The following LINGO1 variants were observed in gnomAD, a reference collection of about 807,000 sequenced individuals.
LINGO1 encodes leucine rich repeat and Ig domain containing 1.
Under a neutral mutation model 37.3 loss-of-function variants are expected in LINGO1, and 11 were observed. The ratio of observed to expected loss-of-function variants is 0.29; its 90% CI spans 0.19 to 0.49. The LOEUF is 0.49. Among genes scored for constraint, LINGO1 ranks in the 20% least tolerant of loss-of-function variants. The pLI is 0.99. For missense variants in LINGO1, 585 were observed against 878.2 expected (o/e 0.67, Z 4.22); for synonymous variants, 387 against 403.0 (o/e 0.96, Z 0.48).
At chr15:77,813,999 G>GC (rs137888528) in intron 1 of LINGO1, among the ~76,000 whole-genome samples, 14,043 of 151,778 alleles carry the variant, frequency 0.093, 1,041 homozygotes, top group African/African-American at 0.21. Flanking sequence ...CCCCTAGGAA[G>GC]CCCCCCCAAT....
chr15:77,796,633 C>T (rs931460397), intron 1 of LINGO1, among the ~76,000 whole-genome samples: 2 of 152,046 alleles, frequency 1.3e-5, no homozygotes, highest in East Asian at 1.9e-4. Flanking sequence ...TGGGCAGCAC[C>T]GGGGTGCCTC....
chr15:77,721,551 A>G (rs1031706605), intron 2 of LINGO1, among the ~76,000 whole-genome samples: 12 of 152,140 alleles, frequency 7.9e-5, no homozygotes. Context: ...TGTCACCTCC[A>G]TTCAACTACA....
intron 1 of LINGO1, among the ~76,000 whole-genome samples, chr15:77,806,165 G>A (rs569334523): frequency 2.4e-3 from 361 of 152,304 alleles, no homozygotes; most frequent in African/African-American, 8.0e-3. Flanking sequence ...ACCACGGAGG[G>A]CTTCCCGGCA....
At chr15:77,619,164 G>GGT (rs34895037) in intron 1 of LINGO1, among the ~76,000 whole-genome samples, 1 of 152,162 alleles carries the variant, frequency 6.6e-6, no homozygotes, top group Non-Finnish European at 1.5e-5. Flanking sequence ...TTCAGTCATG[G>GGT]GTGTGTGTGT....
rs1177201955 is a variant in LINGO1, at chr15:77,762,391, T to C, written c.-257+24478A>G. Among the ~76,000 whole-genome samples, 4 of 152,156 alleles carry C rather than the reference T, an allele frequency of 2.6e-5. No individual in the cohort carries two copies. In the East Asian group the frequency reaches 7.7e-4, roughly 29 times the overall value. ...AGGAGCAGGCCGTGGAGAGGCCTCC[T>C]CCAGGAAGCCTATCCTGACCACCTT... On this transcript the variant is annotated intron_variant, in intron 1 of 3. Coordinates refer to the LINGO1 transcript ENST00000561686.
At chr15:77,793,451 C>T (rs1232288177) in intron 2 of LINGO1, among the ~76,000 whole-genome samples, 1 of 152,104 alleles carries the variant, frequency 6.6e-6, no homozygotes, top group Admixed American at 6.5e-5. Flanking sequence ...CGGTGCAAGC[C>T]TCCGGTGCTC....
chr15:77,749,842 A>G (rs2076353151), intron 1 of LINGO1, among the ~76,000 whole-genome samples: 1 of 152,188 alleles, frequency 6.6e-6, no homozygotes, highest in Non-Finnish European at 1.5e-5. Context: ...CCCAAGGGCC[A>G]GCTTGAGGGC....
intron 3 of LINGO1, among the ~76,000 whole-genome samples, chr15:77,641,424 G>A (rs1343675962): frequency 5.3e-5 from 8 of 152,202 alleles, no homozygotes; most frequent in African/African-American, 1.9e-4. Context: ...ATCAGCAGAG[G>A]CACCCAGCTG....
chr15:77,777,502 C>G (rs11072672), intron 1 of LINGO1, among the ~76,000 whole-genome samples: 12,255 of 148,756 alleles, frequency 0.082, 524 homozygotes, highest in Middle Eastern at 0.13. Context: ...CACACACACA[C>G]AGCTCAGAAC....
At chr15:77,801,696 C>T (rs1314064417) in intron 1 of LINGO1, among the ~76,000 whole-genome samples, 1 of 152,138 alleles carries the variant, frequency 6.6e-6, no homozygotes, top group Non-Finnish European at 1.5e-5. Context: ...CATTCAGCCC[C>T]ATCCAGTCCC....
In LINGO1 at chr15:77,797,568, T is replaced by C. The variant is rs1040081568; in HGVS notation, c.-457-1515A>G. On this transcript the variant is annotated intron_variant, in intron 1 of 5. Coordinates refer to the LINGO1 transcript ENST00000562933. ...TGCCCAGGGGTGGCTTCAACCGTGA[T>C]GGTGAAAGGGAAGCTCAGGAAGCTG... 2.0e-5 allele frequency among the ~76,000 whole-genome samples: 3 copies of C among 152,194 alleles called. No homozygotes were observed. The East Asian group carries it at 5.8e-4, about 29-fold the overall frequency.
upstream of LINGO1, among the ~76,000 whole-genome samples, chr15:77,638,178 C>T (rs531270900): frequency 9.3e-4 from 142 of 152,310 alleles, 1 homozygote; most frequent in African/African-American, 3.1e-3. Context: ...AGTGCTGCCA[C>T]GGCCCTTCTG....
intron 3 of LINGO1, chr15:77,648,534 G>A (rs1221415946): frequency 1.3e-5 from 2 of 152,454 alleles, no homozygotes; most frequent in East Asian, 3.8e-4. Context: ...GTTGACTGCT[G>A]CTGCCAAGAG....
intron 1 of LINGO1, among the ~76,000 whole-genome samples, chr15:77,800,515 C>T (rs1208756110): frequency 1.3e-5 from 2 of 152,126 alleles, no homozygotes; most frequent in Non-Finnish European, 2.9e-5. Context: ...GCCACCCCTC[C>T]CCTCCCCCAG....
chr15:77,680,086 CA>C (rs2075389219), intron 2 of LINGO1, among the ~76,000 whole-genome samples: 1 of 152,206 alleles, frequency 6.6e-6, no homozygotes. Flanking sequence ...ATTGATGAGC[CA>C]AAGCATTTCA....
intron 1 of LINGO1, among the ~76,000 whole-genome samples, chr15:77,620,821 G>A (rs2073895400): frequency 6.6e-6 from 1 of 152,200 alleles, no homozygotes; most frequent in South Asian, 2.1e-4. Context: ...GGGTCTCAGG[G>A]TGAAGGACGG....
chr15:77,742,241 G>A (rs545759579), intron 1 of LINGO1, among the ~76,000 whole-genome samples: 1 of 152,370 alleles, frequency 6.6e-6, no homozygotes, highest in South Asian at 2.1e-4. Flanking sequence ...CTGAAGGTGA[G>A]AAGGCCCAGG....
chr15:77,641,762 C>G, intron 3 of LINGO1: 1 of 431,204 alleles, frequency 2.3e-6, no homozygotes, highest in Non-Finnish European at 4.7e-6. Flanking sequence ...ACACAGAGAG[C>G]CAGAAACGGG....
At chr15:77,682,277 AGT>A (rs10581838) in intron 2 of LINGO1, among the ~76,000 whole-genome samples, 27,163 of 139,356 alleles carry the variant, frequency 0.19, 2,889 homozygotes, top group African/African-American at 0.29. Context: ...TAGAGATTAA[AGT>A]GTGTGTGTGT....
Sources: gnomAD v4.1 joint callset for allele counts (sites outside exome capture counted in the v4.1 genomes callset) on GRCh38, gnomAD v4.1.1 for gene constraint, MANE v1.5 for transcripts, NCBI Gene and HGNC (gene_info 2026-07-23, HGNC 2026-07-21) for gene names.